Variants in FARS2 observed in about 807,000 individuals in gnomAD.
FARS2 encodes phenylalanyl-tRNA synthetase 2, mitochondrial, also known as phenylalanine--tRNA ligase, mitochondrial.
A neutral mutation model predicts 46.4 loss-of-function variants in FARS2; 40 were observed. The observed-to-expected ratio is 0.86, with a 90% CI of 0.67 to 1.12. FARS2 has a LOEUF of 1.12. FARS2 is among the 50% of genes most tolerant of loss of function. The pLI is 0.00. For missense variants in FARS2, 513 were observed against 567.9 expected (o/e 0.90, Z 0.98); for synonymous variants, 234 against 214.9 (o/e 1.09, Z -0.78).
At chr6:5,653,650 T>C (rs568623540) in intron 6 of FARS2, among the ~76,000 whole-genome samples, 22 of 152,278 alleles carry the variant, frequency 1.4e-4, no homozygotes, top group African/African-American at 5.3e-4. Flanking sequence ...CAGGAAGAGA[T>C]AGACATGAGT....
At chr6:5,763,424 C>T (rs532990895) in intron 6 of FARS2, among the ~76,000 whole-genome samples, 33 of 152,298 alleles carry the variant, frequency 2.2e-4, no homozygotes, top group South Asian at 1.9e-3. Flanking sequence ...TGCCACTGCA[C>T]TCCAGCCTGG....
intron 6 of FARS2, among the ~76,000 whole-genome samples, chr6:5,639,081 C>T (rs1315487524): frequency 6.6e-6 from 1 of 152,236 alleles, no homozygotes; most frequent in Non-Finnish European, 1.5e-5. Flanking sequence ...AGAAAGAGAC[C>T]TGTGTTCTGA....
At chr6:5,280,685 A>C (rs546202248) in intron 1 of FARS2, among the ~76,000 whole-genome samples, 1 of 148,382 alleles carries the variant, frequency 6.7e-6, no homozygotes. Context: ...GGCCTTCCCC[A>C]GCCATTCTTT....
At chr6:5,279,241 G>A (rs1164015277) in intron 1 of FARS2, among the ~76,000 whole-genome samples, 1 of 151,860 alleles carries the variant, frequency 6.6e-6, no homozygotes, top group Non-Finnish European at 1.5e-5. Flanking sequence ...GCCGGGCATG[G>A]TGGCATGAGC....
At chr6:5,284,881 C>G (rs1216171223) in intron 1 of FARS2, among the ~76,000 whole-genome samples, 1 of 152,208 alleles carries the variant, frequency 6.6e-6, no homozygotes, top group Non-Finnish European at 1.5e-5. Context: ...GCATGGGCCT[C>G]TCTCAAGCAT....
intron 1 of FARS2, among the ~76,000 whole-genome samples, chr6:5,265,938 T>A (rs181985627): frequency 0.013 from 1,989 of 152,254 alleles, 46 homozygotes; most frequent in African/African-American, 0.044. Context: ...TAATTTTTTT[T>A]TAAAATTCTC....
At chr6:5,722,140 A>G (rs1045445801) in intron 6 of FARS2, among the ~76,000 whole-genome samples, 3 of 152,214 alleles carry the variant, frequency 2.0e-5, no homozygotes, top group Non-Finnish European at 4.4e-5. Flanking sequence ...CTGCCAGTAT[A>G]AGCTGGTGCC....
intron 4 of FARS2, among the ~76,000 whole-genome samples, chr6:5,493,750 G>C (rs1767278207): frequency 6.6e-6 from 1 of 152,136 alleles, no homozygotes; most frequent in Admixed American, 6.5e-5. Context: ...AATGAATGAA[G>C]GTCTCTTACA....
At chr6:5,540,055 C>T (rs1351089228) in intron 4 of FARS2, among the ~76,000 whole-genome samples, 1 of 152,182 alleles carries the variant, frequency 6.6e-6, no homozygotes, top group African/African-American at 2.4e-5. Flanking sequence ...GAAGTTCGTT[C>T]GCCCTTTACC....
chr6:5,390,821 C>T (rs867492042), intron 2 of FARS2, among the ~76,000 whole-genome samples: 23 of 152,296 alleles, frequency 1.5e-4, no homozygotes, highest in Middle Eastern at 6.8e-3. Context: ...TTCACATGGC[C>T]TCTAACCACA....
chr6:5,703,754 C>T (rs1358747094), intron 6 of FARS2, among the ~76,000 whole-genome samples: 1 of 152,212 alleles, frequency 6.6e-6, no homozygotes, highest in East Asian at 1.9e-4. Flanking sequence ...GGGCTTTTCA[C>T]TAGGGCCCCA....
At chr6:5,640,259 T>C (rs952427942) in intron 6 of FARS2, among the ~76,000 whole-genome samples, 1 of 152,224 alleles carries the variant, frequency 6.6e-6, no homozygotes. Flanking sequence ...GGTCCCGTAT[T>C]ATGTACTGGT....
At chr6:5,346,321 C>T (rs752761073) in intron 1 of FARS2, among the ~76,000 whole-genome samples, 9 of 152,244 alleles carry the variant, frequency 5.9e-5, no homozygotes, top group African/African-American at 9.6e-5. Flanking sequence ...TCACCTCCAG[C>T]GGTGATTTTC....
chr6:5,370,853 G>A (rs961731509), intron 2 of FARS2, among the ~76,000 whole-genome samples: 15 of 152,088 alleles, frequency 9.9e-5, no homozygotes, highest in African/African-American at 2.7e-4. Flanking sequence ...TATATTCTGC[G>A]TATAGTTAAA....
At chr6:5,624,563 A>C (rs1775937342) in intron 6 of FARS2, among the ~76,000 whole-genome samples, 1 of 152,154 alleles carries the variant, frequency 6.6e-6, no homozygotes, top group Admixed American at 6.5e-5. Context: ...ACCTTCATGA[A>C]ATCCTTTTTA....
At chr6:5,755,378 C>T (rs557798741) in intron 6 of FARS2, among the ~76,000 whole-genome samples, 2 of 152,156 alleles carry the variant, frequency 1.3e-5, no homozygotes, top group African/African-American at 2.4e-5. Context: ...TGTGATGTTC[C>T]CCTCCCTGGG....
intron 5 of FARS2, among the ~76,000 whole-genome samples, chr6:5,573,330 T>G (rs1243851526): frequency 6.6e-6 from 1 of 152,210 alleles, no homozygotes; most frequent in Non-Finnish European, 1.5e-5. Flanking sequence ...TATTGAGTGC[T>G]TACCATGGGC....
chr6:5,258,977 A>G (rs573752372), upstream of FARS2, among the ~76,000 whole-genome samples: 2 of 152,348 alleles, frequency 1.3e-5, no homozygotes, highest in Admixed American at 1.3e-4. Context: ...CTCATAAATC[A>G]TTTCCAAAGA....
rs1481222728 is a variant in FARS2, at chr6:5,765,285, C to G, written c.1218-6006C>G. On this transcript the variant is annotated intron_variant, in intron 6 of 6. Transcript: ENST00000274680. The surrounding 1 kb of genome is among the most constrained non-coding windows in gnomAD (Gnocchi z 4.0). ...AAGTTAGGTGGCATTCACACTGGAG[C>G]AGGGACCAGGATCCAAGTGAAAGTA... is the stretch of plus-strand genomic sequence containing the variant. Among the ~76,000 whole-genome samples, 1 of 152,250 alleles carries G rather than the reference C, an allele frequency of 6.6e-6. No homozygotes were observed. Among genetic ancestry groups the G allele is most frequent in the Non-Finnish European group, 1.5e-5 (1 of 68,052 alleles).
Sources: gnomAD v4.1 joint callset for allele counts (sites outside exome capture counted in the v4.1 genomes callset) on GRCh38, gnomAD v4.1.1 for gene constraint, Gnocchi (gnomAD v3.1) non-coding constraint, MANE v1.5 for transcripts, NCBI Gene and HGNC (gene_info 2026-07-23, HGNC 2026-07-21) for gene names.